Variants in ALDOB observed in about 807,000 individuals in gnomAD.
ALDOB encodes the protein aldolase, fructose-bisphosphate B.
In ALDOB, 39 loss-of-function variants were observed where a neutral mutation model predicts 41.0. That is an observed-to-expected ratio of 0.95 (90% CI 0.74 to 1.24). The LOEUF (loss-of-function observed/expected upper bound fraction) is 1.24. Among genes scored for constraint, ALDOB ranks in the 50% most tolerant of loss-of-function variants. The pLI, the probability that ALDOB is intolerant of heterozygous loss-of-function variation, is 0.00. For synonymous variants in ALDOB, 175 were observed against 168.8 expected, an observed-to-expected ratio of 1.04 and a Z score of -0.28; for missense variants, 530 against 457.3, an observed-to-expected ratio of 1.16 and a Z score of -1.45.
rs772473508 is a variant in ALDOB at position 101,429,952 on chromosome 9, G to A, written c.127C>T (p.Arg43Cys). The A allele has an allele frequency of 8.2e-5, 132 of 1,613,950 alleles. No homozygotes were observed. The highest frequency in any genetic ancestry group is 1.3e-4 in the East Asian group (6 of 44,880). The change falls in exon 3 of 9, where the codon CGC (arginine) becomes TGC (cysteine). Residue 43 changes from arginine (R) to cysteine (C), a missense_variant. Coordinates refer to ENST00000647789, the MANE Select transcript of ALDOB (RefSeq NM_000035.4). ...ADESVGTMGN[R>C]LQRIKVENTE... is the part of the protein sequence containing the mutation. ...TTTTCCACCTTGATCCTCTGCAGGC[G>A]GTTCCCCATGGTACCTATGGTGGGA...
In ALDOB at chr9:101,429,974, G is replaced by T. The variant is rs2118362981; in HGVS notation, c.113-8C>A. On this transcript the variant is annotated splice_polypyrimidine_tract_variant and splice_region_variant and intron_variant, in intron 2 of 8. Coordinates refer to ENST00000647789, the MANE Select transcript of ALDOB (RefSeq NM_000035.4). Reference sequence around the variant, plus strand: ...GGCGGTTCCCCATGGTACCTATGGTGGGAGGGCCAAGGGCAGCATAAGGAG... The same window carrying T: ...GGCGGTTCCCCATGGTACCTATGGTTGGAGGGCCAAGGGCAGCATAAGGAG... 1 of 1,613,644 alleles carries T rather than the reference G, an allele frequency of 6.2e-7. No individual in the cohort carries two copies. The highest frequency in any genetic ancestry group is 1.7e-4 in the Middle Eastern group (1 of 5,902).
At chr9:101,425,072 T>A in intron 7 of ALDOB, 30 bp from the exon 8 acceptor site, 1 of 1,610,098 alleles carries the variant, frequency 6.2e-7, no homozygotes, top group Non-Finnish European at 8.5e-7. Context: ...TTCACTCTAT[T>A]AGTCCCACCT....
At chr9:101,429,259 T>A (rs754157033) in intron 3 of ALDOB, among the ~76,000 whole-genome samples, 17 of 151,518 alleles carry the variant, frequency 1.1e-4, no homozygotes, top group Non-Finnish European at 1.9e-4. Flanking sequence ...GCTCAGGTGA[T>A]CAATCTTTCC....
At chr9:101,434,921 C>G (rs1342802717) in intron 1 of ALDOB, among the ~76,000 whole-genome samples, 2 of 152,014 alleles carry the variant, frequency 1.3e-5, no homozygotes, top group South Asian at 2.1e-4. Context: ...TCTAATGGAG[C>G]CCTAGGTAAC....
At chr9:101,427,406 A>G (rs1327890411) in intron 5 of ALDOB, 76 bp downstream of exon 5, 1 of 1,553,454 alleles carries the variant, frequency 6.4e-7, no homozygotes, top group Admixed American at 1.7e-5. Flanking sequence ...ATTTGTAGTT[A>G]TAGTATAATT....
chr9:101,425,368 G>A, intron 7 of ALDOB, 85 bp downstream of exon 7: 1 of 1,499,066 alleles, frequency 6.7e-7, no homozygotes, highest in Non-Finnish European at 9.3e-7. Flanking sequence ...ATGAATAGAA[G>A]CAGATTTCTG....
At chr9:101,427,209 C>T (rs151175394) in intron 5 of ALDOB, among the ~76,000 whole-genome samples, 4 of 152,214 alleles carry the variant, frequency 2.6e-5, no homozygotes, top group East Asian at 1.9e-4. Context: ...CTCAAAAGCC[C>T]GATCACTTAT....
intron 8 of ALDOB, among the ~76,000 whole-genome samples, chr9:101,423,518 G>T (rs990174131): frequency 6.6e-6 from 1 of 152,112 alleles, no homozygotes; most frequent in Non-Finnish European, 1.5e-5. Flanking sequence ...TACGCTTTCC[G>T]ACTGTCAGTA....
In ALDOB at chr9:101,430,812, T is replaced by A. The variant is rs760539963; in HGVS notation, c.76A>T (p.Asn26Tyr). ...TCTGCAGCCAGGATCCCCTTTCCAT[T>A]GGCAACAATGCTCTGGGCAATTTCT... ...LSEIAQSIVANGKGILAADES... is the reference protein window; with the variant it reads ...LSEIAQSIVAYGKGILAADES... Residue 26 changes from asparagine (N) to tyrosine (Y), a missense_variant, in exon 2 of 9, where the codon AAT becomes TAT. Transcript: ENST00000647789. 1.2e-6 allele frequency: 2 copies of A among 1,614,168 alleles called. No individual in the cohort carries two copies. Among genetic ancestry groups the A allele is most frequent in the Admixed American group, 1.7e-5 (1 of 60,028 alleles).
chr9:101,427,556 C>G lies in ALDOB; in HGVS notation c.466G>C (p.Asp156His), dbSNP rs752810910. The change falls in exon 5 of 9, where the codon GAC becomes CAC. Residue 156 changes from aspartate (D) to histidine (H), a missense_variant. By Grantham distance (81) the Asp-to-His change is moderately conservative. Coordinates refer to ENST00000647789, the MANE Select transcript of ALDOB (RefSeq NM_000035.4). ...ATAGCGAGGCTGGATGGACACTGGT[C>G]GGCAATCCTCAGCACAGCACGCCAC... ...GKWRAVLRIA[D>H]QCPSSLAIQE... 6.2e-7 allele frequency: 1 copy of G among 1,614,008 alleles called. No homozygotes were observed. Among genetic ancestry groups the G allele is most frequent in the Non-Finnish European group, 8.5e-7 (1 of 1,180,026 alleles).
intron 3 of ALDOB, among the ~76,000 whole-genome samples, chr9:101,429,528 TG>T (rs1300040566): frequency 2.6e-5 from 4 of 152,102 alleles, no homozygotes; most frequent in Non-Finnish European, 5.9e-5. Context: ...GAAATGAGAT[TG>T]AGATGCAAAG....
At chr9:101,425,838 CT>C (rs1460619460) in intron 6 of ALDOB, among the ~76,000 whole-genome samples, 4 of 152,222 alleles carry the variant, frequency 2.6e-5, no homozygotes, top group African/African-American at 9.6e-5. Context: ...TTCATCACCC[CT>C]AATCTAGCTT....
rs780943027 is a variant in ALDOB, at chr9:101,425,598, A to G, written c.654T>C (p.Asn218=). The G allele has an allele frequency of 1.2e-6, 2 of 1,614,186 alleles. No homozygotes were observed. The highest frequency in any genetic ancestry group is 4.5e-5 in the East Asian group (2 of 44,876). The change falls in exon 7 of 9, where the codon AAT becomes AAC. Residue 218 remains asparagine, a synonymous_variant. Transcript: ENST00000647789. ...KVLAAVYKAL[N]DHHVYLEGTL... is the part of the protein sequence containing the mutation. ...TGCCCTCCAGGTAAACATGATGGTCATTCAGGGCCTTGTAGACAGCAGCCA... is the reference window on the plus strand; with the variant it reads ...TGCCCTCCAGGTAAACATGATGGTCGTTCAGGGCCTTGTAGACAGCAGCCA...
chr9:101,426,409 G>T, intron 6 of ALDOB, 146 bp downstream of exon 6: 1 of 664,072 alleles, frequency 1.5e-6, no homozygotes, highest in East Asian at 2.8e-5. Context: ...AAAAGGTGAA[G>T]GGCTGATGAG....
chr9:101,425,115 C>A, intron 7 of ALDOB, 73 bp from the exon 8 acceptor site: 1 of 1,532,734 alleles, frequency 6.5e-7, no homozygotes, highest in Non-Finnish European at 9.0e-7. Context: ...AAGCAATGAA[C>A]CTACCAGAAA....
chr9:101,422,740 T>A (rs1160785762), intron 8 of ALDOB, among the ~76,000 whole-genome samples: 1 of 152,194 alleles, frequency 6.6e-6, no homozygotes, highest in East Asian at 1.9e-4. Flanking sequence ...TTACATATTT[T>A]AAAATAGCTG....
chr9:101,421,977 T>A (rs977880857), intron 8 of ALDOB, 73 bp from the exon 9 acceptor site: 13 of 1,275,662 alleles, frequency 1.0e-5, no homozygotes, highest in Non-Finnish European at 1.4e-5. Context: ...CTGCCTCTCA[T>A]GGGAAACCAG....
chr9:101,427,348 G>A, intron 5 of ALDOB, 134 bp downstream of exon 5: 2 of 1,191,666 alleles, frequency 1.7e-6, no homozygotes, highest in Non-Finnish European at 1.2e-6. Flanking sequence ...TATAGCAAAA[G>A]TTGTGAAAAA....
chr9:101,422,880 A>G (rs1046875138), intron 8 of ALDOB, among the ~76,000 whole-genome samples: 2 of 152,232 alleles, frequency 1.3e-5, no homozygotes, highest in African/African-American at 4.8e-5. Flanking sequence ...CCACAGATCT[A>G]TACAATTATT....
Sources: gnomAD v4.1 joint callset for allele counts (sites outside exome capture counted in the v4.1 genomes callset) on GRCh38, gnomAD v4.1.1 for gene constraint, MANE v1.5 for transcripts, NCBI Gene and HGNC (gene_info 2026-07-23, HGNC 2026-07-21) for gene names.